TASP1: variants seen among roughly 807,000 people sequenced by gnomAD.
The protein encoded by TASP1 is threonine aspartase 1.
Under a neutral mutation model 56.6 loss-of-function variants are expected in TASP1, and 16 were observed. That is an observed-to-expected ratio of 0.28 (90% CI 0.19 to 0.43). The LOEUF (loss-of-function observed/expected upper bound fraction) is 0.43, where lower values mean the gene tolerates loss of function less well. TASP1 is among the 20% of genes least tolerant of loss of function. The pLI is 1.00. For missense variants in TASP1, 393 were observed against 511.6 expected (o/e 0.77, Z 2.24); for synonymous variants, 179 against 184.2 (o/e 0.97, Z 0.23).
the TASP1 span, among the ~76,000 whole-genome samples, chr20:13,152,563 T>C: frequency 6.6e-6 from 1 of 152,156 alleles, no homozygotes; most frequent in Non-Finnish European, 1.5e-5. Flanking sequence ...TTCCTCCAGG[T>C]TAGGACAAAG....
the TASP1 span, among the ~76,000 whole-genome samples, chr20:13,147,729 C>T: frequency 3.6e-4 from 55 of 152,186 alleles, 2 homozygotes; most frequent in Admixed American, 3.9e-4. Flanking sequence ...ACAAGGACCT[C>T]ATTTTCCAAG....
intron 11 of TASP1, among the ~76,000 whole-genome samples, chr20:13,469,965 T>C (rs925528381): frequency 2.6e-5 from 4 of 151,784 alleles, no homozygotes; most frequent in African/African-American, 9.7e-5. Context: ...CCTGACACCA[T>C]GCCTGGCTAA....
At chr20:13,375,494 C>G in the TASP1 span, among the ~76,000 whole-genome samples, 1 of 152,054 alleles carries the variant, frequency 6.6e-6, no homozygotes, top group African/African-American at 2.4e-5. Context: ...TGATGGGCAT[C>G]TGAGTTGGTT....
At chr20:13,258,988 A>G in the TASP1 span, among the ~76,000 whole-genome samples, 1 of 152,140 alleles carries the variant, frequency 6.6e-6, no homozygotes, top group Non-Finnish European at 1.5e-5. Context: ...GTGGTATCAT[A>G]ATTAGGAATC....
chr20:13,442,393 T>C (rs2043248757), intron 11 of TASP1, among the ~76,000 whole-genome samples: 1 of 152,022 alleles, frequency 6.6e-6, no homozygotes, highest in South Asian at 2.1e-4. Context: ...CCCAGCACTT[T>C]GGGAGGCCAA....
chr20:13,393,516 G>T, intron 13 of TASP1: 1 of 793,342 alleles, frequency 1.3e-6, no homozygotes, highest in South Asian at 1.4e-5. Context: ...GCACCAGATT[G>T]TCTCCTCCAA....
At chr20:13,261,200 G>C in the TASP1 span, among the ~76,000 whole-genome samples, 1 of 152,100 alleles carries the variant, frequency 6.6e-6, no homozygotes. Flanking sequence ...GATCACCTGA[G>C]GTCAGGAATT....
intron 4 of TASP1, among the ~76,000 whole-genome samples, chr20:13,603,100 G>A (rs146323655): frequency 6.9e-4 from 105 of 152,166 alleles, no homozygotes; most frequent in African/African-American, 2.4e-3. Context: ...GCATGGTGGC[G>A]TGCATCTGTA....
intron 7 of TASP1, among the ~76,000 whole-genome samples, chr20:13,560,919 T>C (rs1392894908): frequency 1.3e-5 from 2 of 152,122 alleles, no homozygotes; most frequent in African/African-American, 4.8e-5. Flanking sequence ...CAAGGCACAT[T>C]ATAATCAAAT....
At chr20:13,325,815 A>G in the TASP1 span, among the ~76,000 whole-genome samples, 1 of 152,198 alleles carries the variant, frequency 6.6e-6, no homozygotes, top group Non-Finnish European at 1.5e-5. Flanking sequence ...CAAGTATAAT[A>G]TTTGACATAC....
At chr20:13,557,575 T>G (rs1030362389) in intron 8 of TASP1, among the ~76,000 whole-genome samples, 3 of 129,602 alleles carry the variant, frequency 2.3e-5, no homozygotes, top group East Asian at 2.0e-4. Flanking sequence ...GTTTTTGGTT[T>G]TTTTTTTTTT....
the TASP1 span, among the ~76,000 whole-genome samples, chr20:13,227,886 T>A: frequency 6.6e-6 from 1 of 152,076 alleles, no homozygotes; most frequent in Non-Finnish European, 1.5e-5. Context: ...TTCTTACCAG[T>A]TTTATTATAC....
chr20:13,633,618 C>T (rs1331227821), intron 1 of TASP1, among the ~76,000 whole-genome samples: 1 of 152,042 alleles, frequency 6.6e-6, no homozygotes, highest in African/African-American at 2.4e-5. Context: ...AAAAATAAAT[C>T]ATGAATGTAG....
At chr20:13,322,501 G>C in the TASP1 span, among the ~76,000 whole-genome samples, 1 of 152,142 alleles carries the variant, frequency 6.6e-6, no homozygotes. Flanking sequence ...TGGACCAGAC[G>C]AGGTCCATAT....
intron 11 of TASP1, among the ~76,000 whole-genome samples, chr20:13,470,566 A>T (rs997318933): frequency 6.6e-6 from 1 of 152,214 alleles, no homozygotes; most frequent in African/African-American, 2.4e-5. Context: ...GGAAAGAAAA[A>T]TGATTTATTT....
intron 11 of TASP1, among the ~76,000 whole-genome samples, chr20:13,469,801 T>TTTTTTTC (rs2044412547): frequency 1.2e-5 from 1 of 86,442 alleles, no homozygotes; most frequent in Non-Finnish European, 2.1e-5. Flanking sequence ...CCTTTTTTTT[T>TTTTTTTC]TTTTTTTTTT....
At chr20:13,195,044 A>C in the TASP1 span, among the ~76,000 whole-genome samples, 12 of 152,200 alleles carry the variant, frequency 7.9e-5, no homozygotes, top group African/African-American at 2.9e-4. Flanking sequence ...ACAGGACCCC[A>C]TGAAACTTGG....
chr20:13,327,189 C>T, the TASP1 span, among the ~76,000 whole-genome samples: 1 of 152,166 alleles, frequency 6.6e-6, no homozygotes, highest in African/African-American at 2.4e-5. Flanking sequence ...AGAGCCAAAT[C>T]ATGAATGAAC....
intron 11 of TASP1, among the ~76,000 whole-genome samples, chr20:13,442,988 A>G (rs112207616): frequency 7.9e-5 from 12 of 152,334 alleles, no homozygotes; most frequent in African/African-American, 2.9e-4. Flanking sequence ...TAAATAACAG[A>G]TATTAAAAGA....
Sources: gnomAD v4.1 joint callset for allele counts (sites outside exome capture counted in the v4.1 genomes callset) on GRCh38, gnomAD v4.1.1 for gene constraint, MANE v1.5 for transcripts, NCBI Gene and HGNC (gene_info 2026-07-23, HGNC 2026-07-21) for gene names.